The following SPMIP7 variants were observed in gnomAD, a reference collection of about 807,000 sequenced individuals.
SPMIP7 encodes protein SPMIP7.
chr7:50,125,243 TATATAC>T, the SPMIP7 span, among the ~76,000 whole-genome samples: 90 of 51,164 alleles, frequency 1.8e-3, 2 homozygotes, highest in Admixed American at 0.02. Flanking sequence ...TATATACACA[TATATAC>T]ACATATATAT....
At chr7:50,135,996 C>T in the SPMIP7 span, 1 of 803,840 alleles carries the variant, frequency 1.2e-6, no homozygotes, top group East Asian at 2.7e-5. Context: ...GAGCCTGGGG[C>T]ATAGCTATGA....
the SPMIP7 span, among the ~76,000 whole-genome samples, chr7:50,132,468 A>G: frequency 2.0e-5 from 3 of 152,312 alleles, no homozygotes; most frequent in East Asian, 3.9e-4. Flanking sequence ...ATGACAAAGT[A>G]TCAAATCATA....
the SPMIP7 span, among the ~76,000 whole-genome samples, chr7:50,121,648 C>CT: frequency 4.9e-4 from 74 of 149,874 alleles, no homozygotes; most frequent in Admixed American, 5.3e-4. Flanking sequence ...ATTAAAGGTT[C>CT]TTTTTTTTTT....
At chr7:50,154,878 A>G in the SPMIP7 span, among the ~76,000 whole-genome samples, 2 of 152,174 alleles carry the variant, frequency 1.3e-5, no homozygotes, top group Non-Finnish European at 2.9e-5. Flanking sequence ...TTGTCTTTTT[A>G]ATGGCAGCCA....
At chr7:50,106,183 T>G in the SPMIP7 span, among the ~76,000 whole-genome samples, 1 of 152,324 alleles carries the variant, frequency 6.6e-6, no homozygotes, top group East Asian at 1.9e-4. Flanking sequence ...AGAGAGAAAT[T>G]ACTGGGCCAA....
At chr7:50,111,668 T>G in the SPMIP7 span, among the ~76,000 whole-genome samples, 2 of 152,180 alleles carry the variant, frequency 1.3e-5, no homozygotes, top group East Asian at 3.8e-4. Context: ...AAGAAATGAT[T>G]TGGGTGCTGC....
the SPMIP7 span, chr7:50,134,004 C>T: frequency 9.7e-7 from 1 of 1,030,766 alleles, no homozygotes. Flanking sequence ...GGGCAGGGAT[C>T]CTCAGGGTCA....
the SPMIP7 span, among the ~76,000 whole-genome samples, chr7:50,156,002 G>A: frequency 2.6e-5 from 4 of 152,268 alleles, no homozygotes; most frequent in South Asian, 8.3e-4. Context: ...CTCGTGCTGG[G>A]CCCAGATGTC....
chr7:50,107,261 CAGG>C, the SPMIP7 span, among the ~76,000 whole-genome samples: 1 of 147,488 alleles, frequency 6.8e-6, no homozygotes, highest in Non-Finnish European at 1.5e-5. Context: ...GAGGCTAAGG[CAGG>C]AGAATTGCTT....
chr7:50,096,560 C>T, the SPMIP7 span: 1 of 1,551,974 alleles, frequency 6.4e-7, no homozygotes, highest in African/African-American at 1.4e-5. Flanking sequence ...GCAAAAAATT[C>T]TATCAGAAGA....
chr7:50,125,094 G>GTATATATATATATA, the SPMIP7 span, among the ~76,000 whole-genome samples: 1,731 of 73,708 alleles, frequency 0.023, 179 homozygotes, highest in Non-Finnish European at 0.039. Context: ...GTGAGATTAA[G>GTATATATATATATA]TATATATATA....
At chr7:50,125,111 TATATAC>T in the SPMIP7 span, among the ~76,000 whole-genome samples, 1 of 29,148 alleles carries the variant, frequency 3.4e-5, no homozygotes, top group African/African-American at 2.4e-4. Context: ...TATATATATA[TATATAC>T]ACACACACAC....
At chr7:50,107,778 G>T in the SPMIP7 span, among the ~76,000 whole-genome samples, 1 of 152,178 alleles carries the variant, frequency 6.6e-6, no homozygotes, top group South Asian at 2.1e-4. Context: ...CATTGAGGAT[G>T]AGTTATGGTT....
chr7:50,127,339 T>C, the SPMIP7 span, among the ~76,000 whole-genome samples: 1 of 152,006 alleles, frequency 6.6e-6, no homozygotes, highest in Middle Eastern at 3.4e-3. Flanking sequence ...TCTAGGACAT[T>C]GGTCTGGTCA....
At chr7:50,143,386 G>A in the SPMIP7 span, among the ~76,000 whole-genome samples, 3 of 151,984 alleles carry the variant, frequency 2.0e-5, no homozygotes, top group Non-Finnish European at 4.4e-5. Flanking sequence ...AGGCTGGTCT[G>A]AAACTCCTGA....
the SPMIP7 span, among the ~76,000 whole-genome samples, chr7:50,109,599 T>A: frequency 1.3e-5 from 2 of 152,164 alleles, no homozygotes; most frequent in Admixed American, 1.3e-4. Flanking sequence ...GTTCTCGAAC[T>A]CCTGACCTCA....
At chr7:50,138,693 G>A in the SPMIP7 span, among the ~76,000 whole-genome samples, 1 of 151,778 alleles carries the variant, frequency 6.6e-6, no homozygotes, top group African/African-American at 2.4e-5. Context: ...CAATATCAAG[G>A]ATACCATTTT....
the SPMIP7 span, among the ~76,000 whole-genome samples, chr7:50,149,587 G>A: frequency 0.019 from 2,939 of 152,262 alleles, 42 homozygotes; most frequent in Non-Finnish European, 0.031. Context: ...CCACTCTTTA[G>A]CTGCCTTATT....
At chr7:50,147,320 T>C in the SPMIP7 span, among the ~76,000 whole-genome samples, 1 of 152,226 alleles carries the variant, frequency 6.6e-6, no homozygotes, top group African/African-American at 2.4e-5. Context: ...CAATGGTCCT[T>C]CCTATTCAGT....
Sources: allele counts gnomAD v4.1 joint callset (sites outside exome capture counted in the v4.1 genomes callset), GRCh38; gene constraint gnomAD v4.1.1; transcripts MANE v1.5; gene names NCBI Gene and HGNC (gene_info 2026-07-23, HGNC 2026-07-21).